The following KATNA1 variants were observed in gnomAD, a reference collection of about 807,000 sequenced individuals.
KATNA1 encodes the protein katanin catalytic subunit A1.
In KATNA1, 42 loss-of-function variants were observed where a neutral mutation model predicts 62.6. The ratio of observed to expected loss-of-function variants is 0.67; its 90% CI spans 0.52 to 0.87. KATNA1 has a LOEUF of 0.87. Ranked by LOEUF, KATNA1 falls within the 40% of genes least tolerant of loss-of-function variation. KATNA1 has a pLI of 0.00. For synonymous variants in KATNA1, 186 were observed against 201.9 expected (o/e 0.92, Z 0.67); for missense variants, 498 against 612.5 (o/e 0.81, Z 1.97).
rs1445709097 is a variant in KATNA1 at position 149,598,225 on chromosome 6, A to G, written c.1014T>C (p.Asp338=). ...TCAACTCAAGCTAAACACAGATACC[A>G]TCCATCTGAACCAGCAGCTCCGCTT... ...RVKAELLVQM[D]GVGGTSENDD... Residue 338 remains aspartate (D), a splice_region_variant and synonymous_variant, in exon 8 of 11, where the codon GAT becomes GAC. Coordinates refer to ENST00000367411, the MANE Select transcript of KATNA1 (RefSeq NM_007044.4). 6.2e-7 allele frequency: 1 copy of G among 1,613,840 alleles called. No individual in the cohort carries two copies. Among genetic ancestry groups the G allele is most frequent in the Non-Finnish European group, 8.5e-7 (1 of 1,179,954 alleles).
At chr6:149,620,349 A>G (rs573586840) in intron 4 of KATNA1, among the ~76,000 whole-genome samples, 114 of 152,200 alleles carry the variant, frequency 7.5e-4, no homozygotes, top group African/African-American at 2.7e-3. Flanking sequence ...CCCAGGCTGG[A>G]GTGCAGTGGC....
At chr6:149,607,173 A>G (rs1190936188) in intron 4 of KATNA1, among the ~76,000 whole-genome samples, 1 of 152,250 alleles carries the variant, frequency 6.6e-6, no homozygotes, top group African/African-American at 2.4e-5. Flanking sequence ...CAGACAAAGC[A>G]AAACAAATTT....
intron 1 of KATNA1, among the ~76,000 whole-genome samples, chr6:149,642,886 C>T (rs1255919691): frequency 1.3e-5 from 2 of 152,070 alleles, no homozygotes; most frequent in African/African-American, 4.8e-5. Flanking sequence ...AAAAGAAGGG[C>T]CTTATATCCA....
intron 7 of KATNA1, among the ~76,000 whole-genome samples, chr6:149,599,613 G>A (rs569557477): frequency 4.0e-5 from 6 of 151,736 alleles, no homozygotes; most frequent in African/African-American, 1.5e-4. Context: ...TGCCACCCCG[G>A]TTCAAGCAAT....
chr6:149,638,441 A>G lies in KATNA1; in HGVS notation c.107T>C (p.Met36Thr), dbSNP rs1285725039. 2.5e-6 allele frequency: 4 copies of G among 1,613,998 alleles called. No individual in the cohort carries two copies. In the South Asian group the frequency reaches 4.4e-5, roughly 18 times the overall value. The change falls in exon 2 of 11, where the codon ATG becomes ACG. Residue 36 changes from methionine to threonine, a missense_variant. This residue lies in a region of KATNA1 where 203 missense variants were observed against 198.4 expected (regional missense o/e 1.02). Coordinates refer to ENST00000367411, the MANE Select transcript of KATNA1 (RefSeq NM_007044.4). ...TTTGACTGAGTACAGATACTTGTTCATTTGGTCAAGAACTCCCTGATAATA... is the reference window on the plus strand; with the variant it reads ...TTTGACTGAGTACAGATACTTGTTCGTTTGGTCAAGAACTCCCTGATAATA... ...MVYYQGVLDQ[M>T]NKYLYSVKDT...
At chr6:149,636,689 G>A (rs918010268) in intron 2 of KATNA1, among the ~76,000 whole-genome samples, 81 of 151,016 alleles carry the variant, frequency 5.4e-4, no homozygotes, top group African/African-American at 1.8e-3. Flanking sequence ...TTGCCAGGCT[G>A]GAGTGCAATG....
intron 4 of KATNA1, among the ~76,000 whole-genome samples, chr6:149,621,794 A>G (rs1007118162): frequency 6.7e-6 from 1 of 149,398 alleles, no homozygotes; most frequent in African/African-American, 2.4e-5. Context: ...TGCCCGGCCA[A>G]AAAAAAAAAA....
chr6:149,623,881 A>C (rs1000002191), intron 3 of KATNA1, among the ~76,000 whole-genome samples: 1 of 152,250 alleles, frequency 6.6e-6, no homozygotes, highest in Admixed American at 6.5e-5. Flanking sequence ...TGTATATCAA[A>C]GATGAATGCA....
chr6:149,598,098 T>C, intron 8 of KATNA1, 126 bp downstream of exon 8: 16 of 1,016,986 alleles, frequency 1.6e-5, no homozygotes, highest in Non-Finnish European at 2.3e-5. Flanking sequence ...CTCTAGTCCA[T>C]CTGAAGTTAA....
At chr6:149,615,275 G>A (rs1014785642) in intron 4 of KATNA1, among the ~76,000 whole-genome samples, 1 of 150,678 alleles carries the variant, frequency 6.6e-6, no homozygotes. Context: ...TGCAATCTTG[G>A]CTCACTGCAA....
intron 4 of KATNA1, among the ~76,000 whole-genome samples, chr6:149,611,313 T>G (rs1231170030): frequency 6.6e-6 from 1 of 150,976 alleles, no homozygotes; most frequent in African/African-American, 2.4e-5. Context: ...AATACAAAAA[T>G]TAGCTGAGAG....
At chr6:149,633,115 T>A (rs1347839911) in intron 2 of KATNA1, among the ~76,000 whole-genome samples, 199 bp from the exon 3 acceptor site, 2 of 149,324 alleles carry the variant, frequency 1.3e-5, no homozygotes, top group Non-Finnish European at 3.0e-5. Flanking sequence ...TTTTTTTTTT[T>A]TTTTTGGAGA....
At chr6:149,616,094 A>G (rs552448010) in intron 4 of KATNA1, among the ~76,000 whole-genome samples, 1 of 152,308 alleles carries the variant, frequency 6.6e-6, no homozygotes, top group Admixed American at 6.5e-5. Context: ...TTGTTTAATG[A>G]GTACAGAGTT....
intron 6 of KATNA1, among the ~76,000 whole-genome samples, chr6:149,603,002 TGA>T (rs977670861): frequency 7.9e-5 from 12 of 152,110 alleles, no homozygotes; most frequent in Non-Finnish European, 1.6e-4. Context: ...ATTACAGGCG[TGA>T]GCCACCACGC....
chr6:149,611,855 C>T (rs779135737), intron 4 of KATNA1, among the ~76,000 whole-genome samples: 6 of 151,792 alleles, frequency 4.0e-5, no homozygotes, highest in Admixed American at 6.6e-5. Context: ...AAAAATTAGC[C>T]GGGTGTGGTG....
chr6:149,626,524 C>T (rs573574219), intron 3 of KATNA1, among the ~76,000 whole-genome samples: 6 of 148,834 alleles, frequency 4.0e-5, no homozygotes, highest in African/African-American at 7.4e-5. Context: ...CCTCGTGATC[C>T]GCCCGCCTCG....
intron 4 of KATNA1, among the ~76,000 whole-genome samples, chr6:149,619,076 C>G (rs1221672144): frequency 6.6e-6 from 1 of 152,088 alleles, no homozygotes; most frequent in Non-Finnish European, 1.5e-5. Flanking sequence ...GCAAACTATT[C>G]ATCTGACAAG....
intron 4 of KATNA1, among the ~76,000 whole-genome samples, chr6:149,610,338 A>C (rs1372659916): frequency 2.0e-5 from 3 of 151,784 alleles, no homozygotes; most frequent in African/African-American, 7.3e-5. Context: ...GAGCTCAATA[A>C]CACCACCATC....
rs918567102 is a variant in KATNA1, at chr6:149,594,876, T to C, written c.*160A>G. The C allele has an allele frequency of 3.6e-6, 2 of 549,658 alleles. No individual in the cohort carries two copies. Among genetic ancestry groups the C allele is most frequent in the African/African-American group, 4.0e-5 (2 of 50,436 alleles). 34.0% of individuals were successfully genotyped at this position (549,658 alleles called of 1,614,324 possible). On this transcript the variant is annotated 3_prime_UTR_variant, in exon 11 of 11. Coordinates refer to ENST00000367411, the MANE Select transcript of KATNA1 (RefSeq NM_007044.4). ...AGTAATGCTAAAGTAAAACAAATTT[T>C]CAGCTTAAAAATATTGCCTTTATTC...
Sources: gnomAD v4.1 joint callset for allele counts (sites outside exome capture counted in the v4.1 genomes callset) on GRCh38, gnomAD v4.1.1 for gene constraint, gnomAD v4.1.1 regional missense constraint, MANE v1.5 for transcripts, NCBI Gene and HGNC (gene_info 2026-07-23, HGNC 2026-07-21) for gene names.